The following RIPOR1 variants were observed in gnomAD, a reference collection of about 807,000 sequenced individuals.
The protein encoded by RIPOR1 is rho family-interacting cell polarization regulator 1.
In RIPOR1, 58 loss-of-function variants were observed where a neutral mutation model predicts 116.5. That is an observed-to-expected ratio of 0.50 (90% CI 0.40 to 0.62). The LOEUF (loss-of-function observed/expected upper bound fraction) is 0.62, where lower values mean the gene tolerates loss of function less well. Ranked by LOEUF, RIPOR1 falls within the 20% of genes least tolerant of loss-of-function variation. The pLI is 0.00. For synonymous variants in RIPOR1, 605 were observed against 650.0 expected (o/e 0.93, Z 1.05); for missense variants, 1,372 against 1,586.2 (o/e 0.86, Z 2.29).
In RIPOR1 at chr16:67,542,825, C is replaced by T. The variant is rs1468779701; in HGVS notation, c.2039C>T (p.Thr680Ile). The change falls in exon 13 of 22, where the codon ACT (threonine) becomes ATT (isoleucine). Residue 680 changes from threonine to isoleucine, a missense_variant. Thr to Ile is a moderately conservative substitution (Grantham distance 89). Transcript: ENST00000042381. The surrounding 1 kb of genome is among the most constrained non-coding windows in gnomAD (Gnocchi z 4.6). Reference sequence around the variant, plus strand: ...ATCCTTATAAATGTAAGCCCTTCCACTTCTCTAGAACTTGCTACCCTCTCC... The same window carrying T: ...ATCCTTATAAATGTAAGCCCTTCCATTTCTCTAGAACTTGCTACCCTCTCC... ...SPILINVSPS[T>I]SLELATLSSP... 1 of 1,613,920 alleles carries T rather than the reference C, an allele frequency of 6.2e-7. No individual in the cohort carries two copies. Among genetic ancestry groups the T allele is most frequent in the African/African-American group, 1.3e-5 (1 of 74,846 alleles).
chr16:67,519,066 C>A (rs866427350), intron 1 of RIPOR1, among the ~76,000 whole-genome samples: 20 of 152,322 alleles, frequency 1.3e-4, no homozygotes, highest in African/African-American at 4.3e-4. Flanking sequence ...GGGTGGATCA[C>A]CTGAGGTCAG....
chr16:67,523,521 T>TAAA lies in RIPOR1; in HGVS notation c.-24+4934_-24+4936dup, dbSNP rs1169903442. ...AGCCTAGTGACAGAGCAAGACTCCA[T>TAAA]AAAAAAAAAAAAAAAAAAAAAAAAA... On this transcript the variant is annotated intron_variant, in intron 1 of 1. Coordinates refer to the RIPOR1 transcript ENST00000562116. Among the ~76,000 whole-genome samples, 35 of 44,060 alleles carry TAAA rather than the reference T, an allele frequency of 7.9e-4. 1 individual carries two copies. The highest frequency in any genetic ancestry group is 1.5e-3 in the African/African-American group (21 of 14,254). 28.9% of individuals were successfully genotyped at this position (44,060 alleles called of 152,430 possible).
At chr16:67,538,043 G>A (rs2050850379) in intron 1 of RIPOR1, 1 of 213,346 alleles carries the variant, frequency 4.7e-6, no homozygotes, top group African/African-American at 2.3e-5. Context: ...GGGGAAATCG[G>A]GGGCAGGGCT....
At position 67,539,026 on chromosome 16, in the gene RIPOR1, A is replaced by T. The variant is rs756885567; in HGVS notation, c.294A>T (p.Lys98Asn). Residue 98 changes from lysine (K) to asparagine (N), a missense_variant, in exon 4 of 22, where the codon AAA (lysine) becomes AAT (asparagine). Physicochemically the swap from Lys to Asn is moderately conservative, Grantham distance 94. Coordinates refer to ENST00000042381, the MANE Select transcript of RIPOR1 (RefSeq NM_024519.4). ...AAGTGCACCAGCAGGAGCAAGAGAA[A>T]CTCCAGGGGCAGATAAGGGAGTCCA... ...YLEVHQQEQEKLQGQIRESKR... is the reference protein window; with the variant it reads ...YLEVHQQEQENLQGQIRESKR... 2 of 1,612,950 alleles carry T rather than the reference A, an allele frequency of 1.2e-6. No homozygotes were observed. The highest frequency in any genetic ancestry group is 1.7e-6 in the Non-Finnish European group (2 of 1,179,714).
chr16:67,532,840 A>G (rs1048324997), intron 1 of RIPOR1, among the ~76,000 whole-genome samples: 1 of 152,248 alleles, frequency 6.6e-6, no homozygotes, highest in African/African-American at 2.4e-5. Context: ...TGGCACTGTC[A>G]AGTGGCTACA....
In RIPOR1 at chr16:67,544,251, AGGTGGTGATGTGTGCCTGTGG is replaced by A; in HGVS notation, c.2601-40_2601-20del. 6.4e-7 allele frequency: 1 copy of A among 1,556,178 alleles called. No individual in the cohort carries two copies. On this transcript the variant is annotated intron_variant, in intron 14 of 21. Transcript: ENST00000042381. This position sits in a 1 kb window ranked among gnomAD's most constrained non-coding sequence, Gnocchi z 5.1. ...TTAATAAAAATAAACGCTGGTGACCAGGTGGTGATGTGTGCCTGTGGGGTGGTGGACCCCATTTTTCCCTCA... is the reference window on the plus strand; with the variant it reads ...TTAATAAAAATAAACGCTGGTGACCAGGTGGTGGACCCCATTTTTCCCTCA...
chr16:67,534,529 C>T (rs1224295482), intron 1 of RIPOR1, among the ~76,000 whole-genome samples: 1 of 152,230 alleles, frequency 6.6e-6, no homozygotes, highest in African/African-American at 2.4e-5. Flanking sequence ...AGAACACACT[C>T]ATATAGAATC....
chr16:67,531,607 G>T lies in RIPOR1; in HGVS notation c.-24+2693G>T, dbSNP rs1239578124. The T allele has an allele frequency of 4.4e-6, 2 of 454,998 alleles. No homozygotes were observed. The highest frequency in any genetic ancestry group is 4.0e-5 in the African/African-American group (2 of 50,134). 28.2% of individuals were successfully genotyped at this position (454,998 alleles called of 1,614,324 possible). On this transcript the variant is annotated intron_variant, in intron 1 of 21. Transcript: ENST00000042381. The surrounding 1 kb of genome is among the most constrained non-coding windows in gnomAD (Gnocchi z 4.2). Reference sequence around the variant, plus strand: ...GGAATAGGAGCGATGGGGGCTGCCGGTCAGATTCTGAAGAACCTTGCAGGT... The same window carrying T: ...GGAATAGGAGCGATGGGGGCTGCCGTTCAGATTCTGAAGAACCTTGCAGGT...
rs1398985372 is a variant in RIPOR1 at position 67,529,606 on chromosome 16, C to G, written c.-24+692C>G. 1 of 657,096 alleles carries G rather than the reference C, an allele frequency of 1.5e-6. No individual in the cohort carries two copies. Among genetic ancestry groups the G allele is most frequent in the African/African-American group, 1.8e-5 (1 of 54,798 alleles). 40.7% of individuals were successfully genotyped at this position (657,096 alleles called of 1,614,324 possible). A position where few individuals can be genotyped will look rare whatever the true frequency, so the allele number is the denominator to read the frequency against. ...CCAGGGCTAGAGGTCGGATTCAGTC[C>G]AGATTCAGCACCCTTTGTCCTCCTC... On this transcript the variant is annotated intron_variant, in intron 1 of 21. Coordinates refer to ENST00000042381, the MANE Select transcript of RIPOR1 (RefSeq NM_024519.4). This position sits in a 1 kb window ranked among gnomAD's most constrained non-coding sequence, Gnocchi z 4.1.
intron 4 of RIPOR1, chr16:67,539,275 G>A (rs1273115110): frequency 1.4e-5 from 8 of 565,500 alleles, no homozygotes; most frequent in Middle Eastern, 3.7e-4. Flanking sequence ...CCTGCTCCAG[G>A]AGCTTCCAGT....
Position 67,541,310 on chromosome 16 carries a change from T to A in RIPOR1, c.802-120T>A. 1 of 1,064,352 alleles carries A rather than the reference T, an allele frequency of 9.4e-7. No homozygotes were observed. The highest frequency in any genetic ancestry group is 1.4e-6 in the Non-Finnish European group (1 of 735,028). The allele number at this position is 1,064,352 out of a possible 1,614,324, so 65.9% of individuals were successfully genotyped here. Reference sequence around the variant, plus strand: ...GTCTTGAACTCCTGGCCTTAAGTGATCCTCCTGCCTCAGCCTCCCATGACC... The same window carrying A: ...GTCTTGAACTCCTGGCCTTAAGTGAACCTCCTGCCTCAGCCTCCCATGACC... On this transcript the variant is annotated intron_variant, in intron 10 of 21. Transcript: ENST00000042381. The surrounding 1 kb of genome is among the most constrained non-coding windows in gnomAD (Gnocchi z 4.6).
rs1208674584 is a variant in RIPOR1, at chr16:67,541,697, A to G, written c.995A>G (p.Asn332Ser). 1.2e-6 allele frequency: 2 copies of G among 1,613,902 alleles called. No individual in the cohort carries two copies. The highest frequency in any genetic ancestry group is 3.3e-5 in the Admixed American group (2 of 60,002). ...DDQPSAASSV[N>S]KASTVTKRFS... is the part of the protein sequence containing the mutation. ...CAGCCCTCAGCTGCTTCTTCTGTCA[A>G]CAAGGCCTCCACAGTCACCAAGCGC... The change falls in exon 12 of 22, where the codon AAC (asparagine) becomes AGC (serine). Residue 332 changes from asparagine to serine, a missense_variant. Physicochemically the swap from Asn to Ser is conservative, Grantham distance 46. This residue lies in a region of RIPOR1 where 1,005 missense variants were observed against 1,144.7 expected (regional missense o/e 0.88). Coordinates refer to ENST00000042381, the MANE Select transcript of RIPOR1 (RefSeq NM_024519.4). This position sits in a 1 kb window ranked among gnomAD's most constrained non-coding sequence, Gnocchi z 4.6.
chr16:67,545,238 G>A lies in RIPOR1; in HGVS notation c.3031+121G>A. On this transcript the variant is annotated intron_variant, in intron 17 of 21. Coordinates refer to ENST00000042381, the MANE Select transcript of RIPOR1 (RefSeq NM_024519.4). This position sits in a 1 kb window ranked among gnomAD's most constrained non-coding sequence, Gnocchi z 4.8. ...GCACCGAGGAGACCAGCAAAGACTT[G>A]GGCCTTAGAGCAGAAGGACCCAGAT... The A allele has an allele frequency of 6.6e-7, 1 of 1,524,196 alleles. No homozygotes were observed. Among genetic ancestry groups the A allele is most frequent in the Non-Finnish European group, 8.9e-7 (1 of 1,123,438 alleles). 94.4% of individuals were successfully genotyped at this position (1,524,196 alleles called of 1,614,324 possible).
chr16:67,519,027 G>A (rs1440626677), intron 1 of RIPOR1, among the ~76,000 whole-genome samples: 3 of 152,266 alleles, frequency 2.0e-5, no homozygotes, highest in Non-Finnish European at 4.4e-5. Flanking sequence ...GCTCATGCCT[G>A]TAATCCCAGT....
At chr16:67,536,279 C>T (rs1458653747) in intron 1 of RIPOR1, among the ~76,000 whole-genome samples, 1 of 152,194 alleles carries the variant, frequency 6.6e-6, no homozygotes, top group African/African-American at 2.4e-5. Flanking sequence ...GAAACCCCGT[C>T]TCTATTAAAA....
rs1056491660 is a variant in RIPOR1, at chr16:67,530,365, C to T, written c.-24+1451C>T. On this transcript the variant is annotated intron_variant, in intron 1 of 21. Coordinates refer to ENST00000042381, the MANE Select transcript of RIPOR1 (RefSeq NM_024519.4). This position sits in a 1 kb window ranked among gnomAD's most constrained non-coding sequence, Gnocchi z 4.5. ...CCGCCCGGTTCCGGGGTGGGGGGTCCGGGGCTGTGCCGCTCCCCCTCCCTC... is the reference window on the plus strand; with the variant it reads ...CCGCCCGGTTCCGGGGTGGGGGGTCTGGGGCTGTGCCGCTCCCCCTCCCTC... Among the ~76,000 whole-genome samples, 1 of 152,158 alleles carries T rather than the reference C, an allele frequency of 6.6e-6. No homozygotes were observed. The highest frequency in any genetic ancestry group is 1.5e-5 in the Non-Finnish European group (1 of 68,000).
rs559190281 is a variant in RIPOR1, at chr16:67,538,395, G to C, written c.-23-29G>C. ...GGAGAGGGCTTCGGGGATCCGACTG[G>C]TACTGGACACCCCCCCGATCACCCG... is the stretch of plus-strand genomic sequence containing the variant. On this transcript the variant is annotated intron_variant, in intron 1 of 21. Coordinates refer to ENST00000042381, the MANE Select transcript of RIPOR1 (RefSeq NM_024519.4). 7.7e-6 allele frequency: 12 copies of C among 1,548,586 alleles called. No individual in the cohort carries two copies. In the East Asian group the frequency reaches 2.7e-4, roughly 35 times the overall value.
At position 67,537,537 on chromosome 16, in the gene RIPOR1, C is replaced by T. The variant is rs2050828006; in HGVS notation, c.-23-887C>T. The T allele has an allele frequency of 1.0e-5, 14 of 1,347,116 alleles. No homozygotes were observed. Among genetic ancestry groups the T allele is most frequent in the African/African-American group, 1.5e-5 (1 of 66,134 alleles). The allele number at this position is 1,347,116 out of a possible 1,614,324, so 83.4% of individuals were successfully genotyped here. On this transcript the variant is annotated intron_variant, in intron 1 of 21. Transcript: ENST00000042381. The surrounding 1 kb of genome is among the most constrained non-coding windows in gnomAD (Gnocchi z 4.6). ...TCGAAGTGGCCAGGGCCGGAAGGTC[C>T]GCGGGGGGCGAGCGCGGGTCGGGGG...
chr16:67,538,490 C>T lies in RIPOR1; in HGVS notation c.44C>T (p.Ala15Val). ...CGGCCGCAGCGCCGTCTGCTCAGCG[C>T]CCGGGTCAATAGGAGCCAGTCCTTC... ...SVRPQRRLLS[A>V]RVNRSQSFAG... The change falls in exon 2 of 22, where the codon GCC becomes GTC. Residue 15 changes from alanine to valine, a missense_variant. Physicochemically the swap from Ala to Val is moderately conservative, Grantham distance 64. Coordinates refer to ENST00000042381, the MANE Select transcript of RIPOR1 (RefSeq NM_024519.4). The T allele has an allele frequency of 6.2e-7, 1 of 1,611,828 alleles. No individual in the cohort carries two copies. Among genetic ancestry groups the T allele is most frequent in the Non-Finnish European group, 8.5e-7 (1 of 1,179,380 alleles).
Sources: allele counts gnomAD v4.1 joint callset (sites outside exome capture counted in the v4.1 genomes callset), GRCh38; gene constraint gnomAD v4.1.1; regional missense constraint gnomAD v4.1.1; non-coding constraint Gnocchi (gnomAD v3.1); transcripts MANE v1.5; gene names NCBI Gene and HGNC (gene_info 2026-07-23, HGNC 2026-07-21).